CCDC25: variants seen among roughly 807,000 people sequenced by gnomAD.
CCDC25 encodes coiled-coil domain containing 25.
A neutral mutation model predicts 35.3 loss-of-function variants in CCDC25; 16 were observed. The observed-to-expected ratio is 0.45, with a 90% confidence interval of 0.31 to 0.69. The LOEUF (loss-of-function observed/expected upper bound fraction) is 0.69. Among genes scored for constraint, CCDC25 ranks in the 30% least tolerant of loss-of-function variants. The pLI, the probability that CCDC25 is intolerant of heterozygous loss-of-function variation, is 0.06. For missense variants in CCDC25, 179 were observed against 250.7 expected (o/e 0.71, Z 1.93); for synonymous variants, 79 against 80.3 (o/e 0.98, Z 0.09).
Position 27,737,875 on chromosome 8 carries a change from TACACACACTCACAC to T in CCDC25, c.598-1644_598-1631del, listed in dbSNP as rs1457498969. ...GGATAAAGAAACTGTGGTGTGTGTA[TACACACACTCACAC>T]ACACACACACACACACACACACACA... On this transcript the variant is annotated intron_variant, in intron 8 of 8. Coordinates refer to ENST00000356537, the MANE Select transcript of CCDC25 (RefSeq NM_018246.3). This position sits in a 1 kb window ranked among gnomAD's most constrained non-coding sequence, Gnocchi z 4.6. 1.5e-5 allele frequency among the ~76,000 whole-genome samples: 2 copies of T among 136,076 alleles called. No homozygotes were observed. Among genetic ancestry groups the T allele is most frequent in the African/African-American group, 2.7e-5 (1 of 37,524 alleles). The allele number at this position is 136,076 out of a possible 152,430, so 89.3% of individuals were successfully genotyped here.
intron 2 of CCDC25, chr8:27,764,439 T>C: frequency 2.7e-6 from 1 of 376,416 alleles, no homozygotes; most frequent in Non-Finnish European, 5.2e-6. Flanking sequence ...CAGCTAATAT[T>C]TTCTTTTATT....
intron 5 of CCDC25, 43 bp from the exon 6 acceptor site, chr8:27,748,641 T>C: frequency 1.4e-6 from 2 of 1,413,744 alleles, no homozygotes; most frequent in Non-Finnish European, 1.0e-6. Context: ...AGGATGAGAC[T>C]GAGCAATGTG....
At chr8:27,757,594 A>T (rs1225252321) in intron 3 of CCDC25, among the ~76,000 whole-genome samples, 1 of 152,148 alleles carries the variant, frequency 6.6e-6, no homozygotes, top group Non-Finnish European at 1.5e-5. Flanking sequence ...TCTATGCAAC[A>T]TTCAGGATAT....
chr8:27,756,945 G>A (rs529095820), intron 3 of CCDC25, among the ~76,000 whole-genome samples, 175 bp from the exon 4 acceptor site: 1 of 152,310 alleles, frequency 6.6e-6, no homozygotes, highest in South Asian at 2.1e-4. Flanking sequence ...CCATCACCAT[G>A]AAGAGGTACG....
Position 27,735,369 on chromosome 8 carries a change from T to C in CCDC25, c.*847A>G, listed in dbSNP as rs1397354380. 6.6e-6 allele frequency: 1 copy of C among 152,282 alleles called. No homozygotes were observed. The highest frequency in any genetic ancestry group is 1.5e-5 in the Non-Finnish European group (1 of 68,036). 9.4% of individuals were successfully genotyped at this position (152,282 alleles called of 1,614,324 possible). The stretch of plus-strand genomic sequence containing the variant: ...GCTTAGTTCCTTCTAAAATCATAAT[T>C]GCAATATGGACTTCTGCTTCACGCT... On this transcript the variant is annotated 3_prime_UTR_variant, in exon 9 of 9. Coordinates refer to ENST00000356537, the MANE Select transcript of CCDC25 (RefSeq NM_018246.3).
intron 2 of CCDC25, chr8:27,764,304 G>T (rs539030162): frequency 2.1e-4 from 37 of 180,262 alleles, no homozygotes; most frequent in Non-Finnish European, 4.1e-4. Context: ...ACAGATTCTC[G>T]CTGTCTCTTA....
intron 4 of CCDC25, 141 bp downstream of exon 4, chr8:27,756,578 G>A (rs1368718211): frequency 3.2e-6 from 2 of 621,464 alleles, no homozygotes; most frequent in Non-Finnish European, 2.9e-6. Context: ...CTGGGTCAGA[G>A]GGAAGACACG....
At chr8:27,752,021 G>A (rs725361) in intron 5 of CCDC25, among the ~76,000 whole-genome samples, 65,795 of 151,876 alleles carry the variant, frequency 0.43, 14,807 homozygotes, top group Middle Eastern at 0.52. Context: ...TGACAACTTC[G>A]CAATTTAAGA....
At chr8:27,767,082 T>C (rs1199254036) in intron 1 of CCDC25, among the ~76,000 whole-genome samples, 1 of 152,164 alleles carries the variant, frequency 6.6e-6, no homozygotes, top group Non-Finnish European at 1.5e-5. Flanking sequence ...AATAACAATA[T>C]AGGCCAGGTG....
chr8:27,767,405 G>A (rs1461888677), intron 1 of CCDC25, among the ~76,000 whole-genome samples: 1 of 152,082 alleles, frequency 6.6e-6, no homozygotes, highest in Non-Finnish European at 1.5e-5. Context: ...TAATAAAGTT[G>A]TCTCTGCAGG....
chr8:27,769,494 T>C (rs1475596700), intron 1 of CCDC25, among the ~76,000 whole-genome samples: 1 of 152,232 alleles, frequency 6.6e-6, no homozygotes, highest in East Asian at 1.9e-4. Context: ...TGGATATCTA[T>C]GTTGTTGAAG....
chr8:27,770,003 G>A (rs577888292), intron 1 of CCDC25, among the ~76,000 whole-genome samples: 13 of 152,216 alleles, frequency 8.5e-5, no homozygotes, highest in African/African-American at 2.6e-4. Context: ...AATTAGCCAC[G>A]CATGGTGGCG....
chr8:27,748,706 G>T (rs772227286), intron 5 of CCDC25, 108 bp from the exon 6 acceptor site: 2 of 773,820 alleles, frequency 2.6e-6, no homozygotes, highest in African/African-American at 1.7e-5. Flanking sequence ...GGCTTAGAAC[G>T]AACAGGCCAC....
intron 7 of CCDC25, among the ~76,000 whole-genome samples, chr8:27,743,308 A>G (rs538862873): frequency 3.3e-5 from 5 of 152,354 alleles, no homozygotes; most frequent in Admixed American, 1.3e-4. Context: ...CAATCAGGTC[A>G]GCAAAGTGAC....
At chr8:27,744,353 C>T (rs1803536137) in intron 7 of CCDC25, among the ~76,000 whole-genome samples, 2 of 152,186 alleles carry the variant, frequency 1.3e-5, no homozygotes, top group Admixed American at 6.5e-5. Flanking sequence ...AGCACTCTGT[C>T]ACCTCTAAGG....
chr8:27,740,473 T>C lies in CCDC25; in HGVS notation c.596A>G (p.Gln199Arg). The C allele has an allele frequency of 6.2e-7, 1 of 1,612,758 alleles. No individual in the cohort carries two copies. The highest frequency in any genetic ancestry group is 8.5e-7 in the Non-Finnish European group (1 of 1,179,354). ...TTCATGCAAACCACTTGAACATACC[T>C]GATTTGAAGACATATTTTCAACTTT... is the stretch of plus-strand genomic sequence containing the variant. ...LMKVENMSSNQDGNDSDEFM is the reference protein window; with the variant it reads ...LMKVENMSSNRDGNDSDEFM The change falls in exon 8 of 9, where the codon CAG becomes CGG. Residue 199 changes from glutamine (Q) to arginine (R), a missense_variant and splice_region_variant. By Grantham distance (43) the Gln-to-Arg change is conservative. Transcript: ENST00000356537.
chr8:27,771,662 TCAAG>T (rs2128949324), intron 1 of CCDC25, among the ~76,000 whole-genome samples: 1 of 152,198 alleles, frequency 6.6e-6, no homozygotes, highest in East Asian at 1.9e-4. Context: ...ACACTCTAGC[TCAAG>T]CAGACACCAT....
At chr8:27,771,692 A>G (rs1804624518) in intron 1 of CCDC25, among the ~76,000 whole-genome samples, 1 of 152,210 alleles carries the variant, frequency 6.6e-6, no homozygotes, top group African/African-American at 2.4e-5. Flanking sequence ...ACCACGTGAT[A>G]AGTGCAATGC....
chr8:27,770,096 A>T (rs936055048), intron 1 of CCDC25, among the ~76,000 whole-genome samples: 1 of 152,128 alleles, frequency 6.6e-6, no homozygotes, highest in Non-Finnish European at 1.5e-5. Context: ...GTGAACTGAG[A>T]TCACACCACC....
Sources: gnomAD v4.1 joint callset for allele counts (sites outside exome capture counted in the v4.1 genomes callset) on GRCh38, gnomAD v4.1.1 for gene constraint, Gnocchi (gnomAD v3.1) non-coding constraint, MANE v1.5 for transcripts, NCBI Gene and HGNC (gene_info 2026-07-23, HGNC 2026-07-21) for gene names.